LDHA: variants seen among roughly 807,000 people sequenced by gnomAD.
LDHA encodes L-lactate dehydrogenase A chain.
In LDHA, 10 loss-of-function variants were observed where a neutral mutation model predicts 36.3. The ratio of observed to expected loss-of-function variants is 0.28; its 90% CI spans 0.17 to 0.47. LDHA has a LOEUF of 0.47. Ranked by LOEUF, LDHA falls within the 20% of genes least tolerant of loss-of-function variation. The pLI, the probability that LDHA is intolerant of heterozygous loss-of-function variation, is 0.99. For synonymous variants in LDHA, 110 were observed against 136.7 expected (o/e 0.80, Z 1.36); for missense variants, 267 against 405.8 (o/e 0.66, Z 2.94).
chr11:18,401,552 A>G (rs937659513), intron 4 of LDHA, among the ~76,000 whole-genome samples: 22 of 119,758 alleles, frequency 1.8e-4, no homozygotes, highest in African/African-American at 6.3e-4. Context: ...ATCTTGGCTC[A>G]CTGCAAGCTC....
rs59534512 is a variant in LDHA at position 18,401,955 on chromosome 11, C to CTCTCTTTTTTTTT, written c.419-884_419-883insCTCTTTTTTTTTT. The stretch of plus-strand genomic sequence containing the variant: ...TAAGTTTGTGAATAATTGTTATTCT[C>CTCTCTTTTTTTTT]TTTTTTTTTTTTTTTTTTTTTGAGA... On this transcript the variant is annotated intron_variant, in intron 4 of 7. Transcript: ENST00000422447. Among the ~76,000 whole-genome samples the CTCTCTTTTTTTTT allele has an allele frequency of 2.9e-4, 15 of 52,252 alleles. 1 individual carries two copies. Among genetic ancestry groups the CTCTCTTTTTTTTT allele is most frequent in the South Asian group, 1.9e-3 (2 of 1,064 alleles). 34.3% of individuals were successfully genotyped at this position (52,252 alleles called of 152,430 possible).
chr11:18,398,108 T>A (rs979571925), intron 2 of LDHA, among the ~76,000 whole-genome samples: 1 of 151,400 alleles, frequency 6.6e-6, no homozygotes, highest in Non-Finnish European at 1.5e-5. Context: ...GAAGAGTAAC[T>A]GACACTCATT....
In LDHA at chr11:18,408,348, CAAA is replaced by C. The variant is rs1244641413; in HGVS notation, c.*1073_*1075del. On this transcript the variant is annotated 3_prime_UTR_variant, in exon 8 of 8. Transcript: ENST00000422447. ...ATCTGTTAAAAAAACAAAACAAAACCAAAAAAAACAAGTAACCTTGGTGGATGT... is the reference window on the plus strand; with the variant it reads ...ATCTGTTAAAAAAACAAAACAAAACCAAAAACAAGTAACCTTGGTGGATGT... The C allele has an allele frequency of 1.4e-5, 5 of 365,108 alleles. No homozygotes were observed. In the Admixed American group the frequency reaches 1.9e-4, roughly 14 times the overall value. 22.6% of individuals were successfully genotyped at this position (365,108 alleles called of 1,614,324 possible).
intron 1 of LDHA, 119 bp from the exon 2 acceptor site, chr11:18,396,700 C>A: frequency 7.4e-7 from 1 of 1,354,100 alleles, no homozygotes; most frequent in South Asian, 1.5e-5. Flanking sequence ...CCTTTTTAGT[C>A]ATCTCTAGTG....
At chr11:18,405,154 T>C (rs933513974) in intron 6 of LDHA, among the ~76,000 whole-genome samples, 2 of 152,216 alleles carry the variant, frequency 1.3e-5, no homozygotes, top group South Asian at 2.1e-4. Context: ...CAAGTAGCTA[T>C]AGTTTATTTT....
rs537487381 is a variant in LDHA, at chr11:18,396,895, C to T, written c.53C>T (p.Thr18Ile). ...TATAATCTTCTAAAGGAAGAACAGA[C>T]CCCCCAGAATAAGATTACAGTTGTT... ...LIYNLLKEEQ[T>I]PQNKITVVGV... The change falls in exon 2 of 8, where the codon ACC becomes ATC. Residue 18 changes from threonine (T) to isoleucine (I), a missense_variant. By Grantham distance (89) the Thr-to-Ile change is moderately conservative (BLOSUM62 -1). Transcript: ENST00000422447. 7.4e-6 allele frequency: 12 copies of T among 1,612,356 alleles called. No individual in the cohort carries two copies. In the African/African-American group the frequency reaches 8.0e-5, roughly 11 times the overall value.
At chr11:18,403,649 C>G (rs1866575583) in intron 5 of LDHA, 45 bp from the exon 6 acceptor site, 1 of 1,142,142 alleles carries the variant, frequency 8.8e-7, no homozygotes, top group African/African-American at 1.5e-5. Flanking sequence ...AATTACTAAT[C>G]TGTTGGTACA....
intron 5 of LDHA, 75 bp from the exon 6 acceptor site, chr11:18,403,619 G>T (rs975990279): frequency 2.0e-6 from 2 of 978,884 alleles, no homozygotes; most frequent in African/African-American, 3.2e-5. Flanking sequence ...GAAGATAAGA[G>T]AATTAGGAAA....
intron 2 of LDHA, among the ~76,000 whole-genome samples, chr11:18,397,672 G>T (rs889615060): frequency 2.0e-5 from 3 of 152,048 alleles, no homozygotes; most frequent in Admixed American, 6.6e-5. Context: ...TTAGCCGGGC[G>T]TGGTGGCATA....
intron 3 of LDHA, chr11:18,400,136 C>A (rs11601413): frequency 0.11 from 20,073 of 176,080 alleles, 1,231 homozygotes; most frequent in Admixed American, 0.15. Flanking sequence ...GTGTTACTTA[C>A]TTGCCCCCAC....
chr11:18,407,830 A>G lies in LDHA; in HGVS notation c.*549A>G, dbSNP rs1221995773. The G allele has an allele frequency of 4.4e-6, 2 of 454,532 alleles. No individual in the cohort carries two copies. The highest frequency in any genetic ancestry group is 2.4e-5 in the Admixed American group (1 of 42,550). 28.2% of individuals were successfully genotyped at this position (454,532 alleles called of 1,614,324 possible). On this transcript the variant is annotated 3_prime_UTR_variant, in exon 8 of 8. Coordinates refer to ENST00000422447, the MANE Select transcript of LDHA (RefSeq NM_005566.4). Reference sequence around the variant, plus strand: ...AGTGTTATACCAACTAAAACCCCCAATAAACCTTGAACAGTGACTACTTTG... The same window carrying G: ...AGTGTTATACCAACTAAAACCCCCAGTAAACCTTGAACAGTGACTACTTTG...
In LDHA at chr11:18,394,618, C is replaced by A; in HGVS notation, c.-43C>A. 2 of 454,144 alleles carry A rather than the reference C, an allele frequency of 4.4e-6. No individual in the cohort carries two copies. The highest frequency in any genetic ancestry group is 8.8e-6 in the Non-Finnish European group (2 of 226,800). The allele number at this position is 454,144 out of a possible 1,614,324, so 28.1% of individuals were successfully genotyped here. On this transcript the variant is annotated 5_prime_UTR_variant, in exon 1 of 8. Coordinates refer to ENST00000422447, the MANE Select transcript of LDHA (RefSeq NM_005566.4). ...CTCATTGCCACGCGCCCCCGACGAC[C>A]GCCCGACGTGCATTCCCGGTACGGT...
At position 18,407,152 on chromosome 11, in the gene LDHA, T is replaced by C; in HGVS notation, c.870T>C (p.Ser290=). 6.2e-7 allele frequency: 1 copy of C among 1,611,502 alleles called. No individual in the cohort carries two copies. Among genetic ancestry groups the C allele is most frequent in the South Asian group, 1.1e-5 (1 of 90,708 alleles). ...LYGIKDDVFL[S]VPCILGQNGI... is the part of the protein sequence containing the mutation. ...GAATAAAGGATGATGTCTTCCTTAG[T>C]GTTCCTTGCATTTTGGGACAGAATG... Residue 290 remains serine, a synonymous_variant, in exon 8 of 8, where the codon AGT becomes AGC. Transcript: ENST00000422447.
In LDHA at chr11:18,406,782, A is replaced by C. The variant is rs966721130; in HGVS notation, c.835-335A>C. 2.5e-4 allele frequency: 52 copies of C among 207,618 alleles called. 1 individual carries two copies. Among genetic ancestry groups the C allele is most frequent in the Admixed American group, 1.8e-3 (33 of 18,764 alleles). The allele number at this position is 207,618 out of a possible 1,614,324, so 12.9% of individuals were successfully genotyped here. ...TGTAACCCCAGCACTTTGGGAGGCC[A>C]AGAGGTGGATCACCTGAGGTCAAGA... On this transcript the variant is annotated intron_variant, in intron 7 of 7. Transcript: ENST00000422447.
At chr11:18,403,257 G>A (rs1309693225) in intron 5 of LDHA, among the ~76,000 whole-genome samples, 1 of 152,132 alleles carries the variant, frequency 6.6e-6, no homozygotes, top group Non-Finnish European at 1.5e-5. Context: ...TCTTAAGACT[G>A]TAGTTCTTAG....
intron 1 of LDHA, 200 bp downstream of exon 1, chr11:18,394,836 T>C: frequency 2.8e-6 from 1 of 355,666 alleles, no homozygotes; most frequent in Non-Finnish European, 5.6e-6. Context: ...GCGCTCTGCT[T>C]TTGCTCTAAG....
intron 5 of LDHA, among the ~76,000 whole-genome samples, chr11:18,403,214 C>T (rs1565038434): frequency 6.6e-6 from 1 of 151,932 alleles, no homozygotes; most frequent in Non-Finnish European, 1.5e-5. Context: ...GCGAGGGGGA[C>T]GGGAAATGAA....
intron 4 of LDHA, among the ~76,000 whole-genome samples, chr11:18,401,614 A>T (rs1460727400): frequency 1.3e-5 from 2 of 149,948 alleles, no homozygotes; most frequent in African/African-American, 4.9e-5. Flanking sequence ...AGTAGCTGGG[A>T]CTACAGGTGC....
chr11:18,405,864 T>G, intron 7 of LDHA: 2 of 347,510 alleles, frequency 5.8e-6, no homozygotes, highest in Non-Finnish European at 1.1e-5. Flanking sequence ...TTGGGGAAAA[T>G]AGAAATTATA....
Sources: allele counts gnomAD v4.1 joint callset (sites outside exome capture counted in the v4.1 genomes callset), GRCh38; gene constraint gnomAD v4.1.1; transcripts MANE v1.5; gene names NCBI Gene and HGNC (gene_info 2026-07-23, HGNC 2026-07-21).